Variants in DLEC1 observed in about 807,000 individuals in gnomAD.
DLEC1 encodes the protein DLEC1 cilia and flagella associated protein, also known as deleted in lung and esophageal cancer protein 1.
DLEC1 carries 146 observed loss-of-function variants against 198.1 expected under a neutral mutation model. The ratio of observed to expected loss-of-function variants is 0.74; its 90% CI spans 0.64 to 0.85. The LOEUF (loss-of-function observed/expected upper bound fraction) is 0.85. Ranked by LOEUF, DLEC1 falls within the 40% of genes least tolerant of loss-of-function variation. The pLI is 0.00. For synonymous variants in DLEC1, 897 were observed against 866.8 expected (o/e 1.03, Z -0.61); for missense variants, 2,233 against 2,220.0 (o/e 1.01, Z -0.12).
intron 13 of DLEC1, chr3:38,095,638 T>A (rs922868557): frequency 6.4e-5 from 33 of 514,660 alleles, no homozygotes; most frequent in Non-Finnish European, 8.8e-5. Flanking sequence ...TTTGTCAGCA[T>A]CAGGAAGGCC....
chr3:38,087,707 T>C (rs1698540374), intron 9 of DLEC1, among the ~76,000 whole-genome samples: 1 of 152,272 alleles, frequency 6.6e-6, no homozygotes, highest in Admixed American at 6.5e-5. Context: ...GAGGATGACA[T>C]TTCAAGATGT....
chr3:38,064,857 G>A (rs1696924099), intron 6 of DLEC1, among the ~76,000 whole-genome samples: 1 of 150,808 alleles, frequency 6.6e-6, no homozygotes, highest in South Asian at 2.1e-4. Flanking sequence ...TTCCCAGACT[G>A]GGCGGCCGGG....
intron 11 of DLEC1, 47 bp from the exon 12 acceptor site, chr3:38,093,558 T>G: frequency 6.2e-7 from 1 of 1,609,398 alleles, no homozygotes; most frequent in Non-Finnish European, 8.5e-7. Context: ...TGGCCTGATT[T>G]CAGCCCTAGT....
chr3:38,079,793 C>A (rs558280986), intron 6 of DLEC1, among the ~76,000 whole-genome samples: 1 of 152,084 alleles, frequency 6.6e-6, no homozygotes, highest in Non-Finnish European at 1.5e-5. Flanking sequence ...GCGGTTCAGG[C>A]GTTTGGAAGT....
In DLEC1 at chr3:38,105,236, G is replaced by A. The variant is rs80084126; in HGVS notation, c.2865-2348G>A. 3.4e-4 allele frequency among the ~76,000 whole-genome samples: 52 copies of A among 151,982 alleles called. No homozygotes were observed. In the East Asian group the frequency reaches 6.8e-3, roughly 20 times the overall value. ...TCTGGAGAATATTCCTTGTGCACTC[G>A]AGAAAAATAATGTATTCTGCTGTTA... is the stretch of plus-strand genomic sequence containing the variant. On this transcript the variant is annotated intron_variant, in intron 19 of 36. Transcript: ENST00000308059.
At chr3:38,106,926 C>A (rs373423837) in intron 19 of DLEC1, among the ~76,000 whole-genome samples, 17 of 152,258 alleles carry the variant, frequency 1.1e-4, no homozygotes, top group African/African-American at 4.1e-4. Context: ...CAAGCTCCTG[C>A]TCTCACAACA....
At chr3:38,108,779 C>T (rs1699705296) in intron 21 of DLEC1, among the ~76,000 whole-genome samples, 1 of 152,206 alleles carries the variant, frequency 6.6e-6, no homozygotes, top group Non-Finnish European at 1.5e-5. Flanking sequence ...TTTTGCCCTC[C>T]CCAGGCCATT....
At chr3:38,110,474 G>A (rs1017177924) in intron 23 of DLEC1, among the ~76,000 whole-genome samples, 193 bp downstream of exon 23, 1 of 152,342 alleles carries the variant, frequency 6.6e-6, no homozygotes, top group Non-Finnish European at 1.5e-5. Flanking sequence ...CTGAGTGGGC[G>A]TGTGGGAGAG....
intron 27 of DLEC1, 115 bp from the exon 28 acceptor site, chr3:38,116,338 C>G (rs1700155753): frequency 2.0e-6 from 2 of 989,458 alleles, no homozygotes; most frequent in African/African-American, 3.2e-5. Flanking sequence ...GGCACCCCCT[C>G]CACCTGGGTA....
rs200153863 is a variant in DLEC1 at position 38,117,919 on chromosome 3, G to A, written c.4599G>A (p.Ala1533=). The A allele has an allele frequency of 2.6e-5, 42 of 1,614,010 alleles. No individual in the cohort carries two copies. Among genetic ancestry groups the A allele is most frequent in the Admixed American group, 1.7e-5 (1 of 60,006 alleles). The change falls in exon 33 of 37, where the codon GCG becomes GCA. Residue 1533 remains alanine (A), a synonymous_variant. Coordinates refer to ENST00000308059, the MANE Select transcript of DLEC1 (RefSeq NM_007335.4). ...CCTTCTCCGTTTCTCAAGATGGGGC[G>A]AGCCAGGACCACAGAGCTCCTGGCC... ...SRPFSVSQDG[A]SQDHRAPGPG...
Position 38,123,213 on chromosome 3 carries a change from G to C in DLEC1, c.*801G>C, listed in dbSNP as rs1021195217. ...CCCAGAAGGACGTCATGGACAAGTA[G>C]GATGCAAAACCATCAGACCAGATCT... On this transcript the variant is annotated 3_prime_UTR_variant, in exon 37 of 37. Coordinates refer to ENST00000308059, the MANE Select transcript of DLEC1 (RefSeq NM_007335.4). The C allele has an allele frequency of 7.0e-6, 9 of 1,292,456 alleles. No individual in the cohort carries two copies. Among genetic ancestry groups the C allele is most frequent in the Non-Finnish European group, 1.0e-5 (9 of 893,442 alleles). The allele number at this position is 1,292,456 out of a possible 1,614,324, so 80.1% of individuals were successfully genotyped here.
At chr3:38,068,545 T>A (rs950214059) in intron 6 of DLEC1, among the ~76,000 whole-genome samples, 1 of 152,232 alleles carries the variant, frequency 6.6e-6, no homozygotes, top group South Asian at 2.1e-4. Flanking sequence ...TCATCTCTAA[T>A]GAGAACAGTG....
chr3:38,063,789 A>C (rs1696826810), intron 5 of DLEC1, 52 bp from the exon 6 acceptor site: 1 of 1,341,028 alleles, frequency 7.5e-7, no homozygotes, highest in Non-Finnish European at 1.1e-6. Flanking sequence ...CTACTATTTC[A>C]TTGTATGGAT....
Position 38,039,469 on chromosome 3 carries a change from C to T in DLEC1, c.244C>T (p.Leu82=). Reference sequence around the variant, plus strand: ...GCGTCCCGAGCCTCAGCTGCTTCGTCTGCGCCCCTCCTCGCTGCGCACCCA... The same window carrying T: ...GCGTCCCGAGCCTCAGCTGCTTCGTTTGCGCCCCTCCTCGCTGCGCACCCA... ...AQRPEPQLLR[L]RPSSLRTQDI... The change falls in exon 1 of 37, where the codon CTG becomes TTG. Residue 82 remains leucine (L), a synonymous_variant. Transcript: ENST00000308059. 1 of 1,614,034 alleles carries T rather than the reference C, an allele frequency of 6.2e-7. No homozygotes were observed. Among genetic ancestry groups the T allele is most frequent in the Non-Finnish European group, 8.5e-7 (1 of 1,179,868 alleles).
chr3:38,107,716 T>C lies in DLEC1; in HGVS notation c.2997T>C (p.Pro999=). The C allele has an allele frequency of 6.2e-7, 1 of 1,614,014 alleles. No homozygotes were observed. Among genetic ancestry groups the C allele is most frequent in the Non-Finnish European group, 8.5e-7 (1 of 1,179,952 alleles). The part of the protein sequence containing the change: ...TITLINGTLL[P]TQFHWGKLLG... Reference sequence around the variant, plus strand: ...CACTTATCAATGGCACGCTCCTGCCTACCCAGTTCCACTGGGGCAAGGTGA... The same window carrying C: ...CACTTATCAATGGCACGCTCCTGCCCACCCAGTTCCACTGGGGCAAGGTGA... The change falls in exon 20 of 37, where the codon CCT becomes CCC. Residue 999 remains proline (P), a synonymous_variant. Coordinates refer to ENST00000308059, the MANE Select transcript of DLEC1 (RefSeq NM_007335.4).
chr3:38,079,274 T>A (rs989280130), intron 6 of DLEC1, among the ~76,000 whole-genome samples: 1 of 152,148 alleles, frequency 6.6e-6, no homozygotes. Context: ...CAGGTGGGGA[T>A]AACTAAAAGG....
In DLEC1 at chr3:38,063,997, T is replaced by C. The variant is rs930153727; in HGVS notation, c.1173+78T>C. 6.8e-4 allele frequency: 571 copies of C among 835,614 alleles called. 2 individuals are homozygous for C. In the African/African-American group the frequency reaches 0.011, roughly 15 times the overall value. 51.8% of individuals were successfully genotyped at this position (835,614 alleles called of 1,614,324 possible). ...AAAAGTCTTTATTATGGAAATTTTC[T>C]TTTTTTTTTCTTTTTTTTTTTTTTT... is the stretch of plus-strand genomic sequence containing the variant. On this transcript the variant is annotated intron_variant, in intron 6 of 36. Coordinates refer to ENST00000308059, the MANE Select transcript of DLEC1 (RefSeq NM_007335.4).
At chr3:38,097,353 T>C (rs1699081842) in intron 16 of DLEC1, 78 bp downstream of exon 16, 16 of 1,535,674 alleles carry the variant, frequency 1.0e-5, no homozygotes, top group Non-Finnish European at 1.4e-5. Context: ...TAAAGGGGCT[T>C]ATGCAGGGCT....
Position 38,039,332 on chromosome 3 carries a change from C to T in DLEC1, c.107C>T (p.Pro36Leu), listed in dbSNP as rs1472874363. 6.2e-7 allele frequency: 1 copy of T among 1,614,240 alleles called. No homozygotes were observed. The change falls in exon 1 of 37, where the codon CCC becomes CTC. Residue 36 changes from proline to leucine, a missense_variant. Coordinates refer to ENST00000308059, the MANE Select transcript of DLEC1 (RefSeq NM_007335.4). The part of the protein sequence containing the change: ...PTSPPAGSSS[P>L]SQPTWKSSLY... ...TCGCCACCAGCCGGGTCCAGCAGCCCCAGCCAGCCCACCTGGAAGTCCTCC... is the reference window on the plus strand; with the variant it reads ...TCGCCACCAGCCGGGTCCAGCAGCCTCAGCCAGCCCACCTGGAAGTCCTCC...
Sources: allele counts gnomAD v4.1 joint callset (sites outside exome capture counted in the v4.1 genomes callset), GRCh38; gene constraint gnomAD v4.1.1; transcripts MANE v1.5; gene names NCBI Gene and HGNC (gene_info 2026-07-23, HGNC 2026-07-21).